ZNF562: variants seen among roughly 807,000 people sequenced by gnomAD.
The protein encoded by ZNF562 is zinc finger protein 562.
ZNF562 carries 13 observed loss-of-function variants against 17.5 expected under a neutral mutation model. The ratio of observed to expected loss-of-function variants is 0.74; its 90% CI spans 0.48 to 1.18. The LOEUF is 1.18. Ranked by LOEUF, ZNF562 falls within the 50% of genes most tolerant of loss-of-function variation. The pLI, the probability that ZNF562 is intolerant of heterozygous loss-of-function variation, is 0.00. For missense variants in ZNF562, 481 were observed against 498.5 expected, an observed-to-expected ratio of 0.96 and a Z score of 0.33; for synonymous variants, 163 against 165.4, an observed-to-expected ratio of 0.99 and a Z score of 0.11.
rs1263897210 is a variant in ZNF562 at position 9,652,692 on chromosome 19, CA to C, written c.*256del. On this transcript the variant is annotated 3_prime_UTR_variant, in exon 6 of 6. Coordinates refer to ENST00000453372, the MANE Select transcript of ZNF562 (RefSeq NM_001130031.2). Reference sequence around the variant, plus strand: ...CCAATCTGTGAGCCATTACAACCTCCAAAAGGCATTTAGGACTAATCTGATG... The same window carrying C: ...CCAATCTGTGAGCCATTACAACCTCCAAAGGCATTTAGGACTAATCTGATG... 3 of 304,850 alleles carry C rather than the reference CA, an allele frequency of 9.8e-6. No homozygotes were observed. Among genetic ancestry groups the C allele is most frequent in the African/African-American group, 6.5e-5 (3 of 46,196 alleles). The allele number at this position is 304,850 out of a possible 1,614,324, so 18.9% of individuals were successfully genotyped here.
intron 1 of ZNF562, among the ~76,000 whole-genome samples, chr19:9,666,668 C>T (rs1405151848): frequency 6.6e-6 from 1 of 151,386 alleles, no homozygotes; most frequent in Non-Finnish European, 1.5e-5. Context: ...AAAAAATGAC[C>T]CAAATAAAAT....
rs868536717 is a variant in ZNF562, at chr19:9,645,221, A to G, written c.*7728T>C. 3.6e-4 allele frequency: 55 copies of G among 152,052 alleles called. No individual in the cohort carries two copies. The highest frequency in any genetic ancestry group is 1.3e-3 in the African/African-American group (55 of 41,482). The allele number at this position is 152,052 out of a possible 1,614,324, so 9.4% of individuals were successfully genotyped here. On this transcript the variant is annotated 3_prime_UTR_variant, in exon 6 of 6. Transcript: ENST00000453372. Reference sequence around the variant, plus strand: ...GCCACCACACCCAGCTAATTTTTGTATTTTTAGTAGAGATGGGGGTTCACC... The same window carrying G: ...GCCACCACACCCAGCTAATTTTTGTGTTTTTAGTAGAGATGGGGGTTCACC...
chr19:9,659,563 T>G lies in ZNF562; in HGVS notation c.26-96A>C. On this transcript the variant is annotated intron_variant, in intron 2 of 5. Coordinates refer to ENST00000453372, the MANE Select transcript of ZNF562 (RefSeq NM_001130031.2). ...CTAGCTTGAAATTCCCATATGCTCC[T>G]GCACACTCGAAAAAACTACACACAC... is the stretch of plus-strand genomic sequence containing the variant. 2.8e-6 allele frequency: 4 copies of G among 1,434,316 alleles called. No homozygotes were observed. In the South Asian group the frequency reaches 5.4e-5, roughly 19 times the overall value. 88.8% of individuals were successfully genotyped at this position (1,434,316 alleles called of 1,614,324 possible).
At chr19:9,656,326 A>G (rs1426729685) in intron 5 of ZNF562, among the ~76,000 whole-genome samples, 7 of 151,170 alleles carry the variant, frequency 4.6e-5, no homozygotes, top group Non-Finnish European at 1.0e-4. Context: ...TGGCTAACAT[A>G]GTGAAACCCT....
Position 9,674,225 on chromosome 19 carries a change from GAATGAGTCAGGGTGGAA to G in ZNF562, c.-131+773_-131+789del, listed in dbSNP as rs897901418. On this transcript the variant is annotated intron_variant, in intron 1 of 5. Coordinates refer to ENST00000453372, the MANE Select transcript of ZNF562 (RefSeq NM_001130031.2). The stretch of plus-strand genomic sequence containing the variant: ...ATGGTTATAACAGAGCAGGAAATTG[GAATGAGTCAGGGTGGAA>G]AATGAGTCAGGGTGGAGTAAGTAAT... 5.2e-4 allele frequency among the ~76,000 whole-genome samples: 79 copies of G among 152,228 alleles called. 1 individual carries two copies. Among genetic ancestry groups the G allele is most frequent in the African/African-American group, 1.8e-3 (73 of 41,542 alleles).
At position 9,670,081 on chromosome 19, in the gene ZNF562, CA is replaced by C. The variant is rs202184540; in HGVS notation, c.-131+4933del. Reference sequence around the variant, plus strand: ...TGTCTCAAAAAATCAAAGAAACAAACAAAAAAACTTAGCCAGGTGTATTAGT... The same window carrying C: ...TGTCTCAAAAAATCAAAGAAACAAACAAAAAACTTAGCCAGGTGTATTAGT... On this transcript the variant is annotated intron_variant, in intron 1 of 5. Coordinates refer to ENST00000453372, the MANE Select transcript of ZNF562 (RefSeq NM_001130031.2). Among the ~76,000 whole-genome samples the C allele has an allele frequency of 6.9e-3, 1,051 of 151,678 alleles. 9 individuals are homozygous for C. Among genetic ancestry groups the C allele is most frequent in the African/African-American group, 0.024 (983 of 41,380 alleles).
rs1319943261 is a variant in ZNF562 at position 9,643,757 on chromosome 19, TC to T, written c.*9191del. ...GCTCAAGTAATCCTTTTGCCTCCTT[TC>T]AAAGTGTTGAGACTCCAGGCATAAG... is the stretch of plus-strand genomic sequence containing the variant. On this transcript the variant is annotated 3_prime_UTR_variant, in exon 6 of 6. Coordinates refer to ENST00000453372, the MANE Select transcript of ZNF562 (RefSeq NM_001130031.2). The T allele has an allele frequency of 6.6e-6, 1 of 152,034 alleles. No homozygotes were observed. The highest frequency in any genetic ancestry group is 1.5e-5 in the Non-Finnish European group (1 of 68,012). The allele number at this position is 152,034 out of a possible 1,614,324, so 9.4% of individuals were successfully genotyped here.
Position 9,652,672 on chromosome 19 carries a change from C to G in ZNF562, c.*277G>C, listed in dbSNP as rs1442617637. On this transcript the variant is annotated 3_prime_UTR_variant, in exon 6 of 6. Transcript: ENST00000453372. ...CCCTCGGGATGCATCTAAGGCCAAT[C>G]TGTGAGCCATTACAACCTCCAAAAG... 2 of 267,892 alleles carry G rather than the reference C, an allele frequency of 7.5e-6. No individual in the cohort carries two copies. The highest frequency in any genetic ancestry group is 9.6e-5 in the Admixed American group (2 of 20,752). The allele number at this position is 267,892 out of a possible 1,614,324, so 16.6% of individuals were successfully genotyped here.
At chr19:9,663,248 CA>C (rs59452070) in intron 1 of ZNF562, among the ~76,000 whole-genome samples, 22,757 of 129,794 alleles carry the variant, frequency 0.18, 2,001 homozygotes, top group Admixed American at 0.26. Context: ...ACTAAAAATA[CA>C]AAAAAAAAAA....
rs779736203 is a variant in ZNF562, at chr19:9,650,167, T to C, written c.*2782A>G. 1.3e-5 allele frequency: 2 copies of C among 152,050 alleles called. No individual in the cohort carries two copies. The highest frequency in any genetic ancestry group is 2.9e-5 in the Non-Finnish European group (2 of 68,016). 9.4% of individuals were successfully genotyped at this position (152,050 alleles called of 1,614,324 possible). A position where few individuals can be genotyped will look rare whatever the true frequency, so the allele number is the denominator to read the frequency against. On this transcript the variant is annotated 3_prime_UTR_variant, in exon 6 of 6. Transcript: ENST00000453372. ...AAGACAAGTATGCTGGTATTACTAC[T>C]TTTAGTTGGTGTTGTGCAGCGGGTT...
chr19:9,652,923 G>A lies in ZNF562; in HGVS notation c.*26C>T. On this transcript the variant is annotated 3_prime_UTR_variant, in exon 6 of 6. Coordinates refer to ENST00000453372, the MANE Select transcript of ZNF562 (RefSeq NM_001130031.2). Reference sequence around the variant, plus strand: ...GTTCACAGGTGGGGTGAGGAATACAGAAATTCTTTCCCACATATCTTGCAT... The same window carrying A: ...GTTCACAGGTGGGGTGAGGAATACAAAAATTCTTTCCCACATATCTTGCAT... 6.8e-7 allele frequency: 1 copy of A among 1,470,308 alleles called. No homozygotes were observed. The highest frequency in any genetic ancestry group is 9.0e-7 in the Non-Finnish European group (1 of 1,110,342). The allele number at this position is 1,470,308 out of a possible 1,614,324, so 91.1% of individuals were successfully genotyped here.
chr19:9,670,889 C>T lies in ZNF562; in HGVS notation c.-131+4126G>A, dbSNP rs554072115. Among the ~76,000 whole-genome samples, 8 of 151,560 alleles carry T rather than the reference C, an allele frequency of 5.3e-5. No individual in the cohort carries two copies. The East Asian group carries it at 1.2e-3, about 22-fold the overall frequency. On this transcript the variant is annotated intron_variant, in intron 1 of 5. Coordinates refer to ENST00000453372, the MANE Select transcript of ZNF562 (RefSeq NM_001130031.2). Reference sequence around the variant, plus strand: ...GGTGCACCCCTTAATCCTAGCTACTCGGGAGGCTGAGGCAGGAGAATCACT... The same window carrying T: ...GGTGCACCCCTTAATCCTAGCTACTTGGGAGGCTGAGGCAGGAGAATCACT...
chr19:9,668,847 G>T (rs1428852225), intron 1 of ZNF562, among the ~76,000 whole-genome samples: 1 of 151,984 alleles, frequency 6.6e-6, no homozygotes, highest in Non-Finnish European at 1.5e-5. Flanking sequence ...TTCAACAAAG[G>T]CACCAAAAGC....
intron 1 of ZNF562, among the ~76,000 whole-genome samples, chr19:9,669,627 G>T (rs548651039): frequency 1.3e-5 from 2 of 151,446 alleles, no homozygotes; most frequent in Non-Finnish European, 1.5e-5. Context: ...TCCAGACCAG[G>T]CTAGGCAACA....
intron 1 of ZNF562, among the ~76,000 whole-genome samples, chr19:9,664,203 C>T (rs531325677): frequency 9.2e-5 from 14 of 152,106 alleles, no homozygotes; most frequent in South Asian, 2.1e-4. Flanking sequence ...CAAGTAGCTG[C>T]GATTACAGGC....
At chr19:9,654,101 CT>C (rs373497579) in intron 5 of ZNF562, among the ~76,000 whole-genome samples, 147 of 152,004 alleles carry the variant, frequency 9.7e-4, no homozygotes, top group Non-Finnish European at 1.5e-3. Context: ...AGTGATTCTC[CT>C]GCCTCAGCCT....
At chr19:9,674,910 G>A (rs1488371577) in intron 1 of ZNF562, 105 bp downstream of exon 1, 1 of 152,360 alleles carries the variant, frequency 6.6e-6, no homozygotes, top group Non-Finnish European at 1.5e-5. Context: ...CCCTAGAAAA[G>A]CGAGTGAAAC....
At chr19:9,665,734 C>T (rs754779564) in intron 1 of ZNF562, among the ~76,000 whole-genome samples, 12 of 152,028 alleles carry the variant, frequency 7.9e-5, no homozygotes, top group Admixed American at 1.3e-4. Context: ...GAAAAGGAGG[C>T]GGTGACCTAG....
Position 9,648,662 on chromosome 19 carries a change from T to C in ZNF562, c.*4287A>G, listed in dbSNP as rs2074827196. The C allele has an allele frequency of 6.6e-6, 1 of 151,984 alleles. No homozygotes were observed. The highest frequency in any genetic ancestry group is 1.5e-5 in the Non-Finnish European group (1 of 68,024). 9.4% of individuals were successfully genotyped at this position (151,984 alleles called of 1,614,324 possible). On this transcript the variant is annotated 3_prime_UTR_variant, in exon 6 of 6. Coordinates refer to ENST00000453372, the MANE Select transcript of ZNF562 (RefSeq NM_001130031.2). ...GCATTCACTTCTTCAAGTTTTTTTT[T>C]TGTTTTGTTTTTGTTTTTTTTTTTG...
Sources: allele counts gnomAD v4.1 joint callset (sites outside exome capture counted in the v4.1 genomes callset), GRCh38; gene constraint gnomAD v4.1.1; transcripts MANE v1.5; gene names NCBI Gene and HGNC (gene_info 2026-07-23, HGNC 2026-07-21).